DLG1: variants seen among roughly 807,000 people sequenced by gnomAD.
The protein encoded by DLG1 is discs large MAGUK scaffold protein 1, also known as disks large homolog 1.
A neutral mutation model predicts 123.4 loss-of-function variants in DLG1; 42 were observed. The observed-to-expected ratio is 0.34, with a 90% CI of 0.27 to 0.44. DLG1 has a LOEUF of 0.44. Ranked by LOEUF, DLG1 falls within the 20% of genes least tolerant of loss-of-function variation. The pLI is 1.00. For synonymous variants in DLG1, 317 were observed against 356.2 expected (o/e 0.89, Z 1.24); for missense variants, 942 against 1,082.6 (o/e 0.87, Z 1.82).
chr3:197,275,630 T>C (rs1441084800), intron 4 of DLG1, among the ~76,000 whole-genome samples: 2 of 152,182 alleles, frequency 1.3e-5, no homozygotes, highest in African/African-American at 4.8e-5. Context: ...TTATGAGAAA[T>C]AAGCCAGACA....
intron 5 of DLG1, among the ~76,000 whole-genome samples, chr3:197,153,096 C>T (rs1484243066): frequency 1.3e-5 from 2 of 152,136 alleles, no homozygotes; most frequent in Admixed American, 1.3e-4. Flanking sequence ...TGAACAAGTG[C>T]TTTACAAGTG....
chr3:197,154,830 G>T (rs1795638872), intron 5 of DLG1, among the ~76,000 whole-genome samples: 1 of 152,102 alleles, frequency 6.6e-6, no homozygotes, highest in Non-Finnish European at 1.5e-5. Context: ...AAGCATATCT[G>T]AGCAGGTAAA....
At chr3:197,234,146 C>T (rs1388101303) in intron 4 of DLG1, among the ~76,000 whole-genome samples, 1 of 152,192 alleles carries the variant, frequency 6.6e-6, no homozygotes, top group East Asian at 1.9e-4. Context: ...AGGTTTTGAA[C>T]AGTGGTTCCC....
chr3:197,132,970 CACATTAAATA>C, intron 10 of DLG1, among the ~76,000 whole-genome samples: 1 of 135,144 alleles, frequency 7.4e-6, no homozygotes, highest in Non-Finnish European at 1.6e-5. Context: ...TGCTGAAATA[CACATTAAATA>C]GCTGTGGTAT....
intron 7 of DLG1, among the ~76,000 whole-genome samples, chr3:197,142,196 C>T (rs1788395383): frequency 6.6e-6 from 1 of 152,088 alleles, no homozygotes; most frequent in Admixed American, 6.5e-5. Context: ...ACGAACAATA[C>T]TTCATTATCA....
At chr3:197,272,604 T>C (rs1409003722) in intron 4 of DLG1, among the ~76,000 whole-genome samples, 1 of 152,212 alleles carries the variant, frequency 6.6e-6, no homozygotes, top group Non-Finnish European at 1.5e-5. Flanking sequence ...ACAATCCACA[T>C]GACCATCAAT....
chr3:197,056,397 A>G (rs1560359054), intron 23 of DLG1, among the ~76,000 whole-genome samples: 1 of 152,232 alleles, frequency 6.6e-6, no homozygotes, highest in African/African-American at 2.4e-5. Flanking sequence ...CTTGCAATCT[A>G]TAGTCATAAT....
chr3:197,097,047 G>C (rs1364993511), intron 14 of DLG1, among the ~76,000 whole-genome samples: 1 of 152,192 alleles, frequency 6.6e-6, no homozygotes, highest in Non-Finnish European at 1.5e-5. Context: ...GACACTGTGA[G>C]ATTTCCTGAA....
At chr3:197,114,987 GAAA>G (rs375841391) in intron 13 of DLG1, among the ~76,000 whole-genome samples, 32,180 of 85,988 alleles carry the variant, frequency 0.37, 5,017 homozygotes, top group East Asian at 0.72. Context: ...CCATCTCAAG[GAAA>G]AAAAAAAAAA....
At chr3:197,177,465 A>C (rs1807738245) in intron 5 of DLG1, among the ~76,000 whole-genome samples, 3 of 152,198 alleles carry the variant, frequency 2.0e-5, no homozygotes. Context: ...GGAGATGAAG[A>C]AAAAATATTT....
Position 197,149,846 on chromosome 3 carries a change from G to A in DLG1, c.484-50C>T, listed in dbSNP as rs188496910. The A allele has an allele frequency of 3.1e-3, 3,400 of 1,093,940 alleles. 16 individuals are homozygous for A. Among genetic ancestry groups the A allele is most frequent in the Non-Finnish European group, 4.0e-3 (2,856 of 713,272 alleles). The allele number at this position is 1,093,940 out of a possible 1,614,324, so 67.8% of individuals were successfully genotyped here. On this transcript the variant is annotated intron_variant, in intron 5 of 24. Coordinates refer to ENST00000667157, the MANE Select transcript of DLG1 (RefSeq NM_001366207.1). The stretch of plus-strand genomic sequence containing the variant: ...TTAACAAGAAAATAAAACATTACAT[G>A]TTCATGTTCACAATGTTAGAGGCAT...
At chr3:197,062,216 A>G (rs1736327586) in intron 22 of DLG1, among the ~76,000 whole-genome samples, 1 of 152,190 alleles carries the variant, frequency 6.6e-6, no homozygotes, top group African/African-American at 2.4e-5. Context: ...ATTACCTTAA[A>G]TGTGCTCAGA....
intron 14 of DLG1, among the ~76,000 whole-genome samples, chr3:197,104,618 G>C (rs1333783312): frequency 1.3e-5 from 2 of 152,112 alleles, no homozygotes; most frequent in Admixed American, 1.3e-4. Flanking sequence ...GGAGGCAGAG[G>C]TTGCGGTGAG....
Position 197,085,777 on chromosome 3 carries a change from G to A in DLG1, c.1662-21C>T, listed in dbSNP as rs1753968531. ...GGGCTCTAGAGTCAGAAGAAAAAAA[G>A]TCCATAATCACTTGTTATAATATTA... On this transcript the variant is annotated intron_variant, in intron 15 of 24. Coordinates refer to ENST00000667157, the MANE Select transcript of DLG1 (RefSeq NM_001366207.1). 3.8e-6 allele frequency: 6 copies of A among 1,599,334 alleles called. No homozygotes were observed. In the East Asian group the frequency reaches 1.3e-4, roughly 36 times the overall value.
rs1262242851 is a variant in DLG1, at chr3:197,044,355, A to C, written c.*268T>G. On this transcript the variant is annotated 3_prime_UTR_variant, in exon 25 of 25. Transcript: ENST00000667157. ...CTTAAACATTAAGGAATTTTACCACAATTTCTGCGTCTCCCCACGTTCTTA... is the reference window on the plus strand; with the variant it reads ...CTTAAACATTAAGGAATTTTACCACCATTTCTGCGTCTCCCCACGTTCTTA... The C allele has an allele frequency of 1.0e-5, 3 of 286,652 alleles. No homozygotes were observed. The highest frequency in any genetic ancestry group is 1.9e-3 in the Middle Eastern group (2 of 1,054). The allele number at this position is 286,652 out of a possible 1,614,324, so 17.8% of individuals were successfully genotyped here.
chr3:197,296,501 A>T, intron 2 of DLG1, 24 bp from the exon 3 acceptor site: 1 of 1,609,174 alleles, frequency 6.2e-7, no homozygotes, highest in Non-Finnish European at 8.5e-7. Flanking sequence ...GCAGAGCCTG[A>T]TTAAAACTCT....
intron 5 of DLG1, among the ~76,000 whole-genome samples, chr3:197,170,930 G>A (rs1803876944): frequency 1.3e-5 from 2 of 152,058 alleles, no homozygotes. Context: ...CATATTTTTA[G>A]AGAAAATGAG....
intron 4 of DLG1, among the ~76,000 whole-genome samples, chr3:197,224,801 C>T (rs1269228111): frequency 6.6e-6 from 1 of 152,152 alleles, no homozygotes; most frequent in East Asian, 1.9e-4. Context: ...CAATTTGAGA[C>T]CTCTTCACAT....
intron 19 of DLG1, chr3:197,068,383 C>T: frequency 3.2e-6 from 2 of 628,782 alleles, no homozygotes; most frequent in South Asian, 2.1e-5. Flanking sequence ...ATTTCCACAC[C>T]AAAAAAAAAA....
Sources: gnomAD v4.1 joint callset for allele counts (sites outside exome capture counted in the v4.1 genomes callset) on GRCh38, gnomAD v4.1.1 for gene constraint, MANE v1.5 for transcripts, NCBI Gene and HGNC (gene_info 2026-07-23, HGNC 2026-07-21) for gene names.